Variants in WDR62 observed in about 807,000 individuals in gnomAD.
The protein encoded by WDR62 is WD repeat domain 62.
A neutral mutation model predicts 160.6 loss-of-function variants in WDR62; 112 were observed. The ratio of observed to expected loss-of-function variants is 0.70; its 90% CI spans 0.60 to 0.82. The LOEUF (loss-of-function observed/expected upper bound fraction) is 0.82, where lower values mean the gene tolerates loss of function less well. Ranked by LOEUF, WDR62 falls within the 40% of genes least tolerant of loss-of-function variation. WDR62 has a pLI of 0.00. For synonymous variants in WDR62, 792 were observed against 815.1 expected (o/e 0.97, Z 0.48); for missense variants, 1,819 against 1,983.8 (o/e 0.92, Z 1.58).
At chr19:36,104,051 G>A in intron 30 of WDR62, 70 bp downstream of exon 30, 1 of 1,579,088 alleles carries the variant, frequency 6.3e-7, no homozygotes, top group Non-Finnish European at 8.6e-7. Flanking sequence ...CAGCTCCAAA[G>A]ATGGATACTT....
intron 13 of WDR62, among the ~76,000 whole-genome samples, chr19:36,087,060 C>G (rs1049036369): frequency 1.3e-5 from 2 of 151,738 alleles, no homozygotes; most frequent in African/African-American, 4.8e-5. Flanking sequence ...ATGGTGAAAC[C>G]CCGTCTCTAC....
Position 36,101,812 on chromosome 19 carries a change from G to T in WDR62, c.3082+38G>T. The T allele has an allele frequency of 1.3e-6, 2 of 1,534,956 alleles. 1 individual carries two copies. Among genetic ancestry groups the T allele is most frequent in the African/African-American group, 2.7e-5 (2 of 72,794 alleles). ...CAGACACGCAGGGGACTCGCTGCTC[G>T]GGCCTGGCTTAGGGCCAGTCACAAT... On this transcript the variant is annotated intron_variant, in intron 25 of 31. Transcript: ENST00000401500.
At chr19:36,068,933 C>G (rs1197582347) in intron 7 of WDR62, among the ~76,000 whole-genome samples, 1 of 151,048 alleles carries the variant, frequency 6.6e-6, no homozygotes, top group Non-Finnish European at 1.5e-5. Context: ...AAGGGGCGGC[C>G]GGGCAGAGGC....
intron 20 of WDR62, 61 bp downstream of exon 20, chr19:36,094,225 C>G: frequency 2.5e-6 from 4 of 1,607,062 alleles, no homozygotes; most frequent in Non-Finnish European, 3.4e-6. Flanking sequence ...TGGGTTTTGC[C>G]CATGACCTTG....
intron 3 of WDR62, chr19:36,061,129 T>A (rs914758640): frequency 1.1e-4 from 17 of 152,246 alleles, no homozygotes. Flanking sequence ...TTATGGTCCC[T>A]AAGGTACGGT....
At chr19:36,055,941 G>A (rs1352798614) in intron 1 of WDR62, among the ~76,000 whole-genome samples, 1 of 152,162 alleles carries the variant, frequency 6.6e-6, no homozygotes, top group East Asian at 1.9e-4. Flanking sequence ...GGCCAAGGTG[G>A]GCTGTTCACC....
At chr19:36,109,122 C>T (rs1476458941), downstream of WDR62, among the ~76,000 whole-genome samples, 1 of 152,152 alleles carries the variant, frequency 6.6e-6, no homozygotes, top group East Asian at 1.9e-4. Context: ...AATGAATTGG[C>T]ACAACTGACT....
chr19:36,086,707 G>T lies in WDR62; in HGVS notation c.1663G>T (p.Ala555Ser), dbSNP rs757233392. 1.2e-6 allele frequency: 2 copies of T among 1,603,988 alleles called. No individual in the cohort carries two copies. Among genetic ancestry groups the T allele is most frequent in the East Asian group, 4.5e-5 (2 of 44,596 alleles). Residue 555 changes from alanine (A) to serine (S), a missense_variant, in exon 13 of 32, where the codon GCC (alanine) becomes TCC (serine). Physicochemically the swap from Ala to Ser is moderately conservative, Grantham distance 99. Coordinates refer to ENST00000401500, the MANE Select transcript of WDR62 (RefSeq NM_001083961.2). Reference sequence around the variant, plus strand: ...CACAGGGCTGACCTTGCTGGCCTCAGCCAGTCGGGACCGGCTGATCCATGT... The same window carrying T: ...CACAGGGCTGACCTTGCTGGCCTCATCCAGTCGGGACCGGCTGATCCATGT... ...PETGLTLLAS[A>S]SRDRLIHVLN...
intron 3 of WDR62, 106 bp downstream of exon 3, chr19:36,060,136 A>G (rs1185407546): frequency 8.5e-7 from 1 of 1,175,556 alleles, no homozygotes; most frequent in African/African-American, 1.5e-5. Flanking sequence ...TCACTCATTC[A>G]CTTACATGTT....
intron 21 of WDR62, among the ~76,000 whole-genome samples, chr19:36,098,137 T>G (rs921096963): frequency 2.0e-5 from 3 of 152,022 alleles, no homozygotes; most frequent in African/African-American, 4.8e-5. Context: ...GGCATGGTGG[T>G]GCACACCCAT....
chr19:36,074,680 ACT>A (rs1475649611), intron 9 of WDR62, among the ~76,000 whole-genome samples: 5 of 151,892 alleles, frequency 3.3e-5, no homozygotes, highest in African/African-American at 9.7e-5. Context: ...TCAGCCTATG[ACT>A]CTGGTTGAAT....
Position 36,103,548 on chromosome 19 carries a change from T to C in WDR62, c.3720T>C (p.Pro1240=). The change falls in exon 30 of 32, where the codon CCT becomes CCC. Residue 1240 remains proline, a synonymous_variant. Coordinates refer to ENST00000401500, the MANE Select transcript of WDR62 (RefSeq NM_001083961.2). The part of the protein sequence containing the change: ...RSISLGDSEG[P]IVATLAQPLR... ...TCTCCCTCGGTGACAGTGAGGGCCC[T>C]ATCGTGGCCACACTGGCCCAGCCCC... is the stretch of plus-strand genomic sequence containing the variant. The C allele has an allele frequency of 1.2e-6, 2 of 1,613,952 alleles. No individual in the cohort carries two copies. The highest frequency in any genetic ancestry group is 1.7e-6 in the Non-Finnish European group (2 of 1,180,012).
In WDR62 at chr19:36,096,147, A is replaced by G. The variant is rs929730701; in HGVS notation, c.2468-880A>G. Among the ~76,000 whole-genome samples, 77 of 152,190 alleles carry G rather than the reference A, an allele frequency of 5.1e-4. 2 individuals carry two copies. Among genetic ancestry groups the G allele is most frequent in the Non-Finnish European group, 8.8e-5 (6 of 68,034 alleles). ...TTTTTGTTGCCCAGGCTGGAGTTCA[A>G]TAGCACAATCATAGCTCACTGTAGC... On this transcript the variant is annotated intron_variant, in intron 20 of 31. Coordinates refer to ENST00000401500, the MANE Select transcript of WDR62 (RefSeq NM_001083961.2).
In WDR62 at chr19:36,067,262, T is replaced by A. The variant is rs377169390; in HGVS notation, c.562-44T>A. 3.1e-6 allele frequency: 5 copies of A among 1,613,542 alleles called. No homozygotes were observed. The African/African-American group carries it at 6.7e-5, about 22-fold the overall frequency. On this transcript the variant is annotated intron_variant, in intron 5 of 31. Transcript: ENST00000401500. ...GAGGGCAAAGGCACAAACAGTCCAG[T>A]GGAATGAGTGCTGGCATGAGCTTCT...
chr19:36,073,619 G>A, intron 9 of WDR62, 88 bp downstream of exon 9: 3 of 1,073,022 alleles, frequency 2.8e-6, no homozygotes, highest in Non-Finnish European at 4.1e-6. Context: ...TCCTTCAGAA[G>A]ATACTCATTG....
Position 36,091,075 on chromosome 19 carries a change from C to T in WDR62, c.2035-125C>T, listed in dbSNP as rs4806270. 0.44 allele frequency: 341,592 copies of T among 777,120 alleles called. 77,593 individuals carry two copies. Among genetic ancestry groups the T allele is most frequent in the East Asian group, 0.59 (22,198 of 37,536 alleles). 48.1% of individuals were successfully genotyped at this position (777,120 alleles called of 1,614,324 possible). ...AATTTCTTCACGTGTCGAATGGGAGCGGGAGCTCCTGCCCTGCCAGAGTCC... is the reference window on the plus strand; with the variant it reads ...AATTTCTTCACGTGTCGAATGGGAGTGGGAGCTCCTGCCCTGCCAGAGTCC... On this transcript the variant is annotated intron_variant, in intron 16 of 31. Transcript: ENST00000401500.
downstream of WDR62, among the ~76,000 whole-genome samples, chr19:36,107,185 GCT>G: frequency 6.6e-6 from 1 of 152,176 alleles, no homozygotes; most frequent in East Asian, 1.9e-4. Flanking sequence ...TTCCTCTCCT[GCT>G]CTGTTATCCT....
At chr19:36,066,114 C>T in intron 4 of WDR62, 99 bp downstream of exon 4, 1 of 1,574,526 alleles carries the variant, frequency 6.4e-7, no homozygotes, top group South Asian at 1.1e-5. Context: ...GGAATAGCTC[C>T]TTCCTGGGCC....
chr19:36,068,137 C>G (rs1034671808), intron 7 of WDR62, 127 bp downstream of exon 7: 1 of 1,198,030 alleles, frequency 8.3e-7, no homozygotes, highest in African/African-American at 1.5e-5. Context: ...CGCCCACTCT[C>G]TGAGCTTAAG....
Sources: allele counts gnomAD v4.1 joint callset (sites outside exome capture counted in the v4.1 genomes callset), GRCh38; gene constraint gnomAD v4.1.1; transcripts MANE v1.5; gene names NCBI Gene and HGNC (gene_info 2026-07-23, HGNC 2026-07-21).